The following PTPRM variants were observed in gnomAD, a reference collection of about 807,000 sequenced individuals.
PTPRM encodes the protein protein tyrosine phosphatase receptor type M.
Under a neutral mutation model 186.7 loss-of-function variants are expected in PTPRM, and 47 were observed. The ratio of observed to expected loss-of-function variants is 0.25; its 90% CI spans 0.20 to 0.32. PTPRM has a LOEUF of 0.32. Ranked by LOEUF, PTPRM falls within the 10% of genes least tolerant of loss-of-function variation. The pLI is 1.00. For missense variants in PTPRM, 1,494 were observed against 1,865.0 expected (o/e 0.80, Z 3.66); for synonymous variants, 668 against 674.9 (o/e 0.99, Z 0.16).
At chr18:8,100,881 C>A (rs1263187441) in intron 11 of PTPRM, among the ~76,000 whole-genome samples, 1 of 152,214 alleles carries the variant, frequency 6.6e-6, no homozygotes, top group Non-Finnish European at 1.5e-5. Context: ...AATTTCCTAT[C>A]ATTACTGCCT....
intron 1 of PTPRM, among the ~76,000 whole-genome samples, chr18:7,678,972 CCAAAGGA>C (rs1443188639): frequency 6.6e-6 from 1 of 152,164 alleles, no homozygotes; most frequent in Non-Finnish European, 1.5e-5. Context: ...GATGCTTTCC[CCAAAGGA>C]AGTACAGTTC....
At chr18:8,121,826 C>A (rs1169721481) in intron 13 of PTPRM, 1 of 152,118 alleles carries the variant, frequency 6.6e-6, no homozygotes, top group Admixed American at 6.6e-5. Context: ...AAACCTAATA[C>A]GTTCTAAAAG....
Position 8,387,244 on chromosome 18 carries a change from T to A in PTPRM, c.4208+9T>A. On this transcript the variant is annotated intron_variant, in intron 31 of 32. Coordinates refer to ENST00000580170, the MANE Select transcript of PTPRM (RefSeq NM_001105244.2). The stretch of plus-strand genomic sequence containing the variant: ...ACGGTTGTGCACTGCTTGTAAGTGC[T>A]TGACAGAGCTCTTCATTTCAGAACA... The A allele has an allele frequency of 6.2e-7, 1 of 1,611,282 alleles. No individual in the cohort carries two copies. Among genetic ancestry groups the A allele is most frequent in the Non-Finnish European group, 8.5e-7 (1 of 1,178,118 alleles).
chr18:7,745,943 A>G (rs1442569880), intron 1 of PTPRM, among the ~76,000 whole-genome samples: 1 of 152,188 alleles, frequency 6.6e-6, no homozygotes, highest in Non-Finnish European at 1.5e-5. Flanking sequence ...TAAAATATCC[A>G]AACTGAGTCA....
At chr18:8,254,099 A>G (rs1174122732) in intron 19 of PTPRM, among the ~76,000 whole-genome samples, 2 of 152,322 alleles carry the variant, frequency 1.3e-5, no homozygotes, top group South Asian at 2.1e-4. Context: ...CAGCAATGTC[A>G]TGTGGTGGAG....
intron 17 of PTPRM, among the ~76,000 whole-genome samples, chr18:8,248,545 A>G (rs2094498507): frequency 6.6e-6 from 1 of 152,198 alleles, no homozygotes; most frequent in Non-Finnish European, 1.5e-5. Context: ...GTCTAGTGTG[A>G]TAGTCATAAA....
chr18:7,687,804 A>T (rs1345055340), intron 1 of PTPRM, among the ~76,000 whole-genome samples: 1 of 147,236 alleles, frequency 6.8e-6, no homozygotes, highest in African/African-American at 2.5e-5. Flanking sequence ...TTTAAGACGG[A>T]GTCTCACTGT....
rs756195807 is a variant in PTPRM, at chr18:8,069,952, C to A, written c.1399C>A (p.Arg467=). Residue 467 remains arginine, a synonymous_variant, in exon 8 of 33, where the codon CGG becomes AGG. Coordinates refer to ENST00000580170, the MANE Select transcript of PTPRM (RefSeq NM_001105244.2). ...ACTGATCCTCATGAACCCAGAGGGC[C>A]GGAAGGAAAGCCAAGAACTCATAGT... is the stretch of plus-strand genomic sequence containing the variant. ...VKLILMNPEG[R]KESQELIVQT... is the part of the protein sequence containing the mutation. 1.2e-6 allele frequency: 2 copies of A among 1,613,926 alleles called. No homozygotes were observed. The highest frequency in any genetic ancestry group is 4.5e-5 in the East Asian group (2 of 44,878).
intron 14 of PTPRM, among the ~76,000 whole-genome samples, chr18:8,189,899 C>T (rs78331455): frequency 6.6e-6 from 1 of 152,168 alleles, no homozygotes; most frequent in Non-Finnish European, 1.5e-5. Context: ...TCTGCAGTCA[C>T]TTTTTTACTT....
chr18:7,648,232 T>G (rs2144246898), intron 1 of PTPRM, among the ~76,000 whole-genome samples: 1 of 152,244 alleles, frequency 6.6e-6, no homozygotes, highest in African/African-American at 2.4e-5. Context: ...TCAACTTAAT[T>G]GATAAATGTG....
intron 2 of PTPRM, among the ~76,000 whole-genome samples, chr18:7,792,409 C>G (rs912408635): frequency 1.3e-4 from 20 of 152,078 alleles, no homozygotes; most frequent in African/African-American, 4.3e-4. Flanking sequence ...CTCTTCTGAT[C>G]TCTTCCCTTA....
At chr18:7,770,637 A>G (rs1381581903) in intron 1 of PTPRM, among the ~76,000 whole-genome samples, 1 of 152,222 alleles carries the variant, frequency 6.6e-6, no homozygotes, top group Non-Finnish European at 1.5e-5. Flanking sequence ...TGATTTGTCT[A>G]AAATCACCAA....
intron 1 of PTPRM, among the ~76,000 whole-genome samples, chr18:7,726,911 C>T (rs991332382): frequency 1.7e-4 from 26 of 151,998 alleles, no homozygotes; most frequent in African/African-American, 5.6e-4. Context: ...AGAGAAAGTG[C>T]GTAAGTGAAA....
At chr18:7,993,333 T>A (rs973272510) in intron 7 of PTPRM, among the ~76,000 whole-genome samples, 2 of 152,056 alleles carry the variant, frequency 1.3e-5, no homozygotes, top group Non-Finnish European at 1.5e-5. Context: ...TAAAAATTTC[T>A]TAAATCTTAA....
intron 2 of PTPRM, among the ~76,000 whole-genome samples, chr18:7,800,951 C>T (rs2043931071): frequency 6.6e-6 from 1 of 151,990 alleles, no homozygotes; most frequent in Non-Finnish European, 1.5e-5. Flanking sequence ...AAAAACGGCA[C>T]AGCTGTATAG....
chr18:7,738,238 T>A (rs905807327), intron 1 of PTPRM, among the ~76,000 whole-genome samples: 5 of 152,136 alleles, frequency 3.3e-5, no homozygotes, highest in African/African-American at 1.2e-4. Context: ...GAGAAGTAAG[T>A]TTGTTTATTC....
chr18:8,114,536 G>A (rs993454656), intron 12 of PTPRM, among the ~76,000 whole-genome samples: 2 of 152,078 alleles, frequency 1.3e-5, no homozygotes, highest in African/African-American at 4.8e-5. Context: ...AAGGAGGTCC[G>A]GGGCCACCAG....
chr18:8,111,519 G>A (rs1568359079), intron 11 of PTPRM, among the ~76,000 whole-genome samples: 1 of 152,042 alleles, frequency 6.6e-6, no homozygotes, highest in Non-Finnish European at 1.5e-5. Context: ...AGGCTGGGGT[G>A]GGAGAATGGC....
intron 14 of PTPRM, among the ~76,000 whole-genome samples, chr18:8,210,469 T>C (rs986757098): frequency 2.6e-5 from 4 of 152,076 alleles, no homozygotes; most frequent in African/African-American, 9.7e-5. Flanking sequence ...AACAAGGAAT[T>C]GTCCTTCCCC....
Sources: allele counts gnomAD v4.1 joint callset (sites outside exome capture counted in the v4.1 genomes callset), GRCh38; gene constraint gnomAD v4.1.1; transcripts MANE v1.5; gene names NCBI Gene and HGNC (gene_info 2026-07-23, HGNC 2026-07-21).